Variants in WDR7 observed in about 807,000 individuals in gnomAD.
WDR7 encodes WD repeat-containing protein 7.
Under a neutral mutation model 169.4 loss-of-function variants are expected in WDR7, and 46 were observed. The ratio of observed to expected loss-of-function variants is 0.27; its 90% CI spans 0.21 to 0.35. The LOEUF (loss-of-function observed/expected upper bound fraction) is 0.35, where lower values mean the gene tolerates loss of function less well. WDR7 is among the 10% of genes least tolerant of loss of function. The pLI, the probability that WDR7 is intolerant of heterozygous loss-of-function variation, is 1.00. For synonymous variants in WDR7, 612 were observed against 666.8 expected (o/e 0.92, Z 1.27); for missense variants, 1,534 against 1,859.3 (o/e 0.83, Z 3.22).
chr18:56,696,181 A>T, intron 11 of WDR7, 61 bp from the exon 12 acceptor site: 2 of 1,358,144 alleles, frequency 1.5e-6, no homozygotes, highest in South Asian at 1.4e-5. Flanking sequence ...GTTTACTTTT[A>T]CTTACTGAAA....
At chr18:56,893,129 G>T (rs981743460) in intron 21 of WDR7, among the ~76,000 whole-genome samples, 3 of 150,936 alleles carry the variant, frequency 2.0e-5, no homozygotes, top group Non-Finnish European at 4.4e-5. Context: ...CAGTTTTTTT[G>T]ATTCTTTGTC....
chr18:56,820,382 C>CT (rs2045073796), intron 20 of WDR7, among the ~76,000 whole-genome samples: 1 of 118,474 alleles, frequency 8.4e-6, no homozygotes, highest in African/African-American at 3.4e-5. Flanking sequence ...GATACTAGAT[C>CT]AGCAGCACAG....
chr18:56,807,479 AT>A (rs1599060746), intron 19 of WDR7, among the ~76,000 whole-genome samples: 1 of 152,170 alleles, frequency 6.6e-6, no homozygotes. Context: ...ATCAGGCTTG[AT>A]TTTTTAAATG....
intron 26 of WDR7, among the ~76,000 whole-genome samples, chr18:57,008,076 T>G (rs1395413767): frequency 6.6e-6 from 1 of 152,138 alleles, no homozygotes; most frequent in Non-Finnish European, 1.5e-5. Flanking sequence ...ACCTGAATTC[T>G]CACACTGAGC....
In WDR7 at chr18:57,027,345, C is replaced by T; in HGVS notation, c.*138C>T. ...ATCCAGTGGCACGGCCGGGTCTTGTCACTTGTGCATGCTTCTCAGGGGCAG... is the reference window on the plus strand; with the variant it reads ...ATCCAGTGGCACGGCCGGGTCTTGTTACTTGTGCATGCTTCTCAGGGGCAG... On this transcript the variant is annotated 3_prime_UTR_variant, in exon 28 of 28. Coordinates refer to ENST00000254442, the MANE Select transcript of WDR7 (RefSeq NM_015285.3). 1 of 1,036,688 alleles carries T rather than the reference C, an allele frequency of 9.6e-7. No individual in the cohort carries two copies. Among genetic ancestry groups the T allele is most frequent in the Non-Finnish European group, 1.4e-6 (1 of 723,330 alleles). The allele number at this position is 1,036,688 out of a possible 1,614,324, so 64.2% of individuals were successfully genotyped here.
intron 19 of WDR7, among the ~76,000 whole-genome samples, chr18:56,807,929 C>A (rs1240109781): frequency 6.6e-6 from 1 of 152,048 alleles, no homozygotes. Flanking sequence ...TACAAGACAT[C>A]TATACTGTTA....
At chr18:56,957,786 T>C (rs997316805) in intron 25 of WDR7, among the ~76,000 whole-genome samples, 2 of 152,168 alleles carry the variant, frequency 1.3e-5, no homozygotes, top group Non-Finnish European at 2.9e-5. Flanking sequence ...GATGGTTTCA[T>C]GTGAAGCTGG....
chr18:56,970,748 G>A (rs565649880), intron 26 of WDR7, among the ~76,000 whole-genome samples: 5 of 152,112 alleles, frequency 3.3e-5, no homozygotes, highest in East Asian at 3.9e-4. Flanking sequence ...ATATAATGAC[G>A]TGTATTCACC....
chr18:56,857,361 C>T lies in WDR7; in HGVS notation c.3305-22583C>T, dbSNP rs1030796987. The stretch of plus-strand genomic sequence containing the variant: ...TGTGTCCTCAACCTCCTGGCTCACG[C>T]GATCCTTCCGCCTCAGCCTCCAGGG... On this transcript the variant is annotated intron_variant, in intron 20 of 27. Transcript: ENST00000254442. Among the ~76,000 whole-genome samples, 4 of 152,014 alleles carry T rather than the reference C, an allele frequency of 2.6e-5. No individual in the cohort carries two copies. The East Asian group carries it at 5.8e-4, about 22-fold the overall frequency.
At chr18:56,970,856 C>A (rs1171624969) in intron 26 of WDR7, among the ~76,000 whole-genome samples, 3 of 152,142 alleles carry the variant, frequency 2.0e-5, no homozygotes, top group Non-Finnish European at 4.4e-5. Flanking sequence ...TCTGGATGAG[C>A]ACTGCTAAGT....
At chr18:56,995,784 C>T (rs760208982) in intron 26 of WDR7, among the ~76,000 whole-genome samples, 1 of 152,158 alleles carries the variant, frequency 6.6e-6, no homozygotes, top group East Asian at 1.9e-4. Flanking sequence ...GTACTACATC[C>T]CCAGACTGAG....
chr18:56,786,869 T>G (rs1364980149), intron 19 of WDR7, among the ~76,000 whole-genome samples: 1 of 151,692 alleles, frequency 6.6e-6, no homozygotes, highest in Non-Finnish European at 1.5e-5. Flanking sequence ...TTTAAAAATT[T>G]TATTGGTTAT....
At chr18:56,801,948 G>T (rs1279013262) in intron 19 of WDR7, among the ~76,000 whole-genome samples, 1 of 152,054 alleles carries the variant, frequency 6.6e-6, no homozygotes, top group African/African-American at 2.4e-5. Context: ...TAAGTTTCCA[G>T]GTTTCATAAA....
chr18:56,692,431 GT>G (rs202055251), intron 9 of WDR7, among the ~76,000 whole-genome samples: 6 of 61,864 alleles, frequency 9.7e-5, no homozygotes, highest in East Asian at 4.9e-4. Flanking sequence ...TGAAAGCAGA[GT>G]TTTTTTTGTT....
At chr18:56,824,952 AG>A (rs2045171501) in intron 20 of WDR7, among the ~76,000 whole-genome samples, 1 of 152,206 alleles carries the variant, frequency 6.6e-6, no homozygotes, top group South Asian at 2.1e-4. Flanking sequence ...GCACGAGCAG[AG>A]AACTAGACCT....
intron 19 of WDR7, among the ~76,000 whole-genome samples, chr18:56,804,093 G>A (rs1350830429): frequency 6.6e-6 from 1 of 152,162 alleles, no homozygotes; most frequent in Non-Finnish European, 1.5e-5. Context: ...ACCACACCTG[G>A]CCCATCATTG....
chr18:56,673,475 G>A (rs373490174), intron 2 of WDR7, among the ~76,000 whole-genome samples: 2 of 152,090 alleles, frequency 1.3e-5, no homozygotes, highest in Admixed American at 6.5e-5. Context: ...AAAGTTGCGC[G>A]GCCATTACCA....
chr18:56,981,798 G>T (rs755240329), intron 26 of WDR7, among the ~76,000 whole-genome samples: 1 of 152,140 alleles, frequency 6.6e-6, no homozygotes, highest in Non-Finnish European at 1.5e-5. Flanking sequence ...AAGTAGGAAG[G>T]CAGGCCAGTT....
chr18:56,981,037 G>A (rs1013419751), intron 26 of WDR7, among the ~76,000 whole-genome samples: 1 of 152,204 alleles, frequency 6.6e-6, no homozygotes, highest in African/African-American at 2.4e-5. Context: ...TAGAAATGGG[G>A]AGACTAGTTT....
Sources: gnomAD v4.1 joint callset for allele counts (sites outside exome capture counted in the v4.1 genomes callset) on GRCh38, gnomAD v4.1.1 for gene constraint, MANE v1.5 for transcripts, NCBI Gene and HGNC (gene_info 2026-07-23, HGNC 2026-07-21) for gene names.